CCDC178: variants seen among roughly 807,000 people sequenced by gnomAD.
CCDC178 encodes coiled-coil domain containing 178.
CCDC178 carries 126 observed loss-of-function variants against 117.4 expected under a neutral mutation model. That is an observed-to-expected ratio of 1.07 (90% CI 0.93 to 1.24). The LOEUF is 1.24. CCDC178 is among the 50% of genes most tolerant of loss of function. The probability of loss-of-function intolerance (pLI) is 0.00; values close to 1 mark genes in which losing one functional copy is unlikely to be tolerated. For missense variants in CCDC178, 1,030 were observed against 986.9 expected (o/e 1.04, Z -0.59); for synonymous variants, 283 against 313.4 (o/e 0.90, Z 1.02).
chr18:33,271,481 T>C (rs1294215581), intron 12 of CCDC178, among the ~76,000 whole-genome samples: 2 of 151,660 alleles, frequency 1.3e-5, no homozygotes, highest in South Asian at 2.1e-4. Flanking sequence ...GCTAGATTAA[T>C]ATCAGACAAA....
chr18:33,186,361 G>A (rs1363859147), intron 20 of CCDC178, among the ~76,000 whole-genome samples: 3 of 152,008 alleles, frequency 2.0e-5, no homozygotes, highest in Non-Finnish European at 4.4e-5. Flanking sequence ...AGTTGTATAT[G>A]GTGTCAGCCA....
intron 22 of CCDC178, among the ~76,000 whole-genome samples, chr18:32,953,118 C>T (rs2054524477): frequency 6.6e-6 from 1 of 152,132 alleles, no homozygotes; most frequent in South Asian, 2.1e-4. Flanking sequence ...CACTTTGCCA[C>T]TTAGAAATTT....
chr18:33,424,695 A>G (rs2064092096), intron 2 of CCDC178, among the ~76,000 whole-genome samples: 1 of 152,206 alleles, frequency 6.6e-6, no homozygotes, highest in South Asian at 2.1e-4. Flanking sequence ...TGCTGACCTT[A>G]AAGGCAAGGG....
At chr18:33,179,636 C>G (rs1392518104) in intron 20 of CCDC178, among the ~76,000 whole-genome samples, 1 of 152,036 alleles carries the variant, frequency 6.6e-6, no homozygotes, top group East Asian at 1.9e-4. Context: ...GTCTCTTCCC[C>G]CAAAAGTTTT....
chr18:33,169,123 T>G (rs986800600), intron 20 of CCDC178, among the ~76,000 whole-genome samples: 1 of 152,226 alleles, frequency 6.6e-6, no homozygotes, highest in African/African-American at 2.4e-5. Context: ...AAACTGCAGG[T>G]AAGTTACGGA....
chr18:32,963,444 G>A (rs753864494), intron 22 of CCDC178, among the ~76,000 whole-genome samples: 24 of 151,774 alleles, frequency 1.6e-4, no homozygotes, highest in Non-Finnish European at 1.9e-4. Context: ...GTCTGTACCT[G>A]GTAATATTTA....
At chr18:33,189,425 A>T (rs1416675755) in intron 20 of CCDC178, among the ~76,000 whole-genome samples, 1 of 152,152 alleles carries the variant, frequency 6.6e-6, no homozygotes, top group East Asian at 1.9e-4. Flanking sequence ...TTATATATGT[A>T]TTCATATTTA....
At chr18:33,303,220 G>A (rs1329621029) in intron 11 of CCDC178, among the ~76,000 whole-genome samples, 3 of 152,122 alleles carry the variant, frequency 2.0e-5, no homozygotes, top group African/African-American at 7.2e-5. Context: ...ATTTTACTAA[G>A]TGAAAGAAGC....
At chr18:33,249,634 T>C (rs1050060730) in intron 14 of CCDC178, among the ~76,000 whole-genome samples, 1 of 152,144 alleles carries the variant, frequency 6.6e-6, no homozygotes, top group African/African-American at 2.4e-5. Flanking sequence ...TCTATCTCTG[T>C]TTTGGTACCA....
intron 22 of CCDC178, among the ~76,000 whole-genome samples, chr18:32,952,265 A>C (rs2054503661): frequency 6.6e-6 from 1 of 152,244 alleles, no homozygotes; most frequent in African/African-American, 2.4e-5. Context: ...CCCTAGCAGA[A>C]GTTCTCCATG....
chr18:33,043,764 C>G (rs2144901671), intron 21 of CCDC178, among the ~76,000 whole-genome samples: 1 of 151,880 alleles, frequency 6.6e-6, no homozygotes, highest in Admixed American at 6.6e-5. Context: ...TAGTATAACA[C>G]CAATGCTCAG....
Position 33,266,985 on chromosome 18 carries a change from G to T in CCDC178, c.1340C>A (p.Thr447Lys), listed in dbSNP as rs772008637. ...TTTTTTATTGTCTTCCGTCAGTTTT[G>T]TACATGCCAAAGAAATAGCTGAAAA... ...KDFSAISLACTKLTEDNKKLE... is the reference protein window; with the variant it reads ...KDFSAISLACKKLTEDNKKLE... Residue 447 changes from threonine (T) to lysine (K), a missense_variant, in exon 14 of 23, where the codon ACA becomes AAA. Transcript: ENST00000383096. The T allele has an allele frequency of 1.2e-6, 2 of 1,601,766 alleles. No homozygotes were observed. The highest frequency in any genetic ancestry group is 2.3e-5 in the South Asian group (2 of 87,912).
At chr18:33,219,507 C>G (rs1195807980) in intron 18 of CCDC178, among the ~76,000 whole-genome samples, 7 of 152,076 alleles carry the variant, frequency 4.6e-5, no homozygotes, top group Non-Finnish European at 1.0e-4. Flanking sequence ...TTCACAATAG[C>G]AAAGACTTGG....
At chr18:33,435,721 A>ATTATTATAATACAATAATAATTG (rs2064280584) in intron 2 of CCDC178, among the ~76,000 whole-genome samples, 1 of 37,016 alleles carries the variant, frequency 2.7e-5, no homozygotes, top group Admixed American at 4.0e-4. Context: ...AATAATAATT[A>ATTATTATAATACAATAATAATTG]AGCTACAAGA....
At chr18:32,941,504 C>T (rs2054239079) in intron 22 of CCDC178, among the ~76,000 whole-genome samples, 1 of 152,120 alleles carries the variant, frequency 6.6e-6, no homozygotes, top group Admixed American at 6.6e-5. Context: ...TAGCAAACAG[C>T]TGTCCTAATA....
chr18:33,240,875 T>A (rs2059479057), intron 15 of CCDC178, among the ~76,000 whole-genome samples: 1 of 151,744 alleles, frequency 6.6e-6, no homozygotes, highest in Non-Finnish European at 1.5e-5. Flanking sequence ...AACCTCAATA[T>A]CAAATACACA....
Position 33,202,311 on chromosome 18 carries a change from G to A in CCDC178, c.2238+9585C>T, listed in dbSNP as rs9944933. 6.6e-3 allele frequency among the ~76,000 whole-genome samples: 921 copies of A among 139,356 alleles called. 9 individuals carry two copies. Among genetic ancestry groups the A allele is most frequent in the African/African-American group, 0.023 (865 of 38,272 alleles). The allele number at this position is 139,356 out of a possible 152,430, so 91.4% of individuals were successfully genotyped here. On this transcript the variant is annotated intron_variant, in intron 20 of 22. Transcript: ENST00000383096. ...GGACGCTGAGGCAGAAGAATCGCTTGAGCCCGGTGGGGCGGGGGTTGCAGT... is the reference window on the plus strand; with the variant it reads ...GGACGCTGAGGCAGAAGAATCGCTTAAGCCCGGTGGGGCGGGGGTTGCAGT...
chr18:33,384,645 T>C (rs2063474248), intron 5 of CCDC178, among the ~76,000 whole-genome samples: 2 of 152,186 alleles, frequency 1.3e-5, no homozygotes, highest in Admixed American at 1.3e-4. Flanking sequence ...ATAAAATCTT[T>C]TTTAGACAAG....
intron 22 of CCDC178, chr18:32,957,709 A>G (rs1224388223): frequency 1.3e-5 from 2 of 152,320 alleles, no homozygotes; most frequent in African/African-American, 2.4e-5. Flanking sequence ...AATGCTGTAC[A>G]TTTTATAATT....
Sources: allele counts gnomAD v4.1 joint callset (sites outside exome capture counted in the v4.1 genomes callset), GRCh38; gene constraint gnomAD v4.1.1; transcripts MANE v1.5; gene names NCBI Gene and HGNC (gene_info 2026-07-23, HGNC 2026-07-21).